The following LIG1 variants were observed in gnomAD, a reference collection of about 807,000 sequenced individuals.
LIG1 encodes the protein DNA ligase 1, also known as ligase I, DNA, ATP-dependent.
Under a neutral mutation model 115.7 loss-of-function variants are expected in LIG1, and 70 were observed. The ratio of observed to expected loss-of-function variants is 0.60; its 90% CI spans 0.50 to 0.74. LIG1 has a LOEUF of 0.74. LIG1 is among the 30% of genes least tolerant of loss of function. LIG1 has a pLI of 0.00. For synonymous variants in LIG1, 487 were observed against 495.3 expected (o/e 0.98, Z 0.22); for missense variants, 1,115 against 1,225.6 (o/e 0.91, Z 1.35).
intron 23 of LIG1, among the ~76,000 whole-genome samples, chr19:48,121,672 G>A (rs1264390156): frequency 4.6e-5 from 7 of 152,094 alleles, no homozygotes; most frequent in Admixed American, 2.6e-4. Flanking sequence ...GTGGTGGCGT[G>A]TGCCTGTAAT....
At chr19:48,131,000 G>A (rs976518969) in intron 19 of LIG1, 76 bp downstream of exon 19, 6 of 1,177,556 alleles carry the variant, frequency 5.1e-6, no homozygotes, top group African/African-American at 1.5e-5. Flanking sequence ...GTGCCACACT[G>A]GCCTAGATGG....
chr19:48,154,373 G>T, intron 5 of LIG1: 1 of 287,096 alleles, frequency 3.5e-6, no homozygotes, highest in Non-Finnish European at 6.9e-6. Flanking sequence ...GAATAAACTA[G>T]CCCCAGGAGA....
At chr19:48,159,454 C>T (rs2036046294) in intron 4 of LIG1, among the ~76,000 whole-genome samples, 1 of 152,214 alleles carries the variant, frequency 6.6e-6, no homozygotes, top group Non-Finnish European at 1.5e-5. Context: ...CCAGAAGCCT[C>T]AGGGTAAAGT....
intron 25 of LIG1, chr19:48,118,287 G>A (rs1395066601): frequency 9.9e-6 from 2 of 202,960 alleles, no homozygotes; most frequent in Non-Finnish European, 2.0e-5. Context: ...ATCCCCATGT[G>A]TCGTGGAGGG....
At chr19:48,134,449 G>T (rs925875518) in intron 16 of LIG1, among the ~76,000 whole-genome samples, 1 of 152,216 alleles carries the variant, frequency 6.6e-6, no homozygotes, top group Non-Finnish European at 1.5e-5. Flanking sequence ...CTTGAGCCCA[G>T]GAGTTCAAGA....
chr19:48,143,955 T>C lies in LIG1; in HGVS notation c.785A>G (p.Asp262Gly). Reference sequence around the variant, plus strand: ...CTTGGCAGGATTGTAACCAGATGGATCCAGGGGTCTACGGAGGCAAAACGG... The same window carrying C: ...CTTGGCAGGATTGTAACCAGATGGACCCAGGGGTCTACGGAGGCAAAACGG... ...GKEGAAEGPLDPSGYNPAKNN... is the reference protein window; with the variant it reads ...GKEGAAEGPLGPSGYNPAKNN... The change falls in exon 10 of 28, where the codon GAT becomes GGT. Residue 262 changes from aspartate (D) to glycine (G), a missense_variant. Physicochemically the swap from Asp to Gly is moderately conservative, Grantham distance 94. Coordinates refer to ENST00000263274, the MANE Select transcript of LIG1 (RefSeq NM_000234.3). The C allele has an allele frequency of 1.9e-6, 3 of 1,613,846 alleles. No individual in the cohort carries two copies. The highest frequency in any genetic ancestry group is 2.5e-6 in the Non-Finnish European group (3 of 1,179,800).
intron 17 of LIG1, 42 bp from the exon 18 acceptor site, chr19:48,133,139 T>A (rs1295557563): frequency 7.9e-7 from 1 of 1,265,000 alleles, no homozygotes; most frequent in Non-Finnish European, 1.2e-6. Flanking sequence ...GGGAAGGCAA[T>A]GGATTAGAGG....
At chr19:48,153,213 A>AGC (rs2035586081) in intron 6 of LIG1, among the ~76,000 whole-genome samples, 1 of 147,818 alleles carries the variant, frequency 6.8e-6, no homozygotes, top group Non-Finnish European at 1.5e-5. Flanking sequence ...AAAAAAAAAA[A>AGC]GCACAAATAT....
intron 1 of LIG1, among the ~76,000 whole-genome samples, chr19:48,169,217 T>C (rs1294242530): frequency 2.0e-5 from 3 of 152,092 alleles, no homozygotes; most frequent in African/African-American, 7.2e-5. Context: ...AGTTCTTATG[T>C]GGAGAGGGAA....
chr19:48,154,344 G>C, intron 5 of LIG1: 1 of 317,608 alleles, frequency 3.1e-6, no homozygotes, highest in South Asian at 2.8e-5. Flanking sequence ...CGGAACCTCA[G>C]AAGTCTGGAA....
chr19:48,121,001 A>C, intron 24 of LIG1, 169 bp downstream of exon 24: 1 of 1,496,594 alleles, frequency 6.7e-7, no homozygotes, highest in South Asian at 1.4e-5. Flanking sequence ...TTTCTATATG[A>C]AGCAAGAGTT....
Position 48,117,648 on chromosome 19 carries a change from G to A in LIG1, c.2573C>T (p.Ala858Val), listed in dbSNP as rs772946340. 1.8e-5 allele frequency: 29 copies of A among 1,612,442 alleles called. No individual in the cohort carries two copies. The highest frequency in any genetic ancestry group is 1.9e-5 in the Non-Finnish European group (23 of 1,179,636). The change falls in exon 26 of 28, where the codon GCG (alanine) becomes GTG (valine). Residue 858 changes from alanine to valine, a missense_variant. By Grantham distance (64) the Ala-to-Val change is moderately conservative. Coordinates refer to ENST00000263274, the MANE Select transcript of LIG1 (RefSeq NM_000234.3). ...DLSLSPIYPA[A>V]RGLVDSDKGI... ...TCCTCTGCCACTCACCAGGCCCCGCGCAGCAGGGTAGATGGGAGAGAGGGA... is the reference window on the plus strand; with the variant it reads ...TCCTCTGCCACTCACCAGGCCCCGCACAGCAGGGTAGATGGGAGAGAGGGA...
In LIG1 at chr19:48,167,902, T is replaced by C. The variant is rs571754190; in HGVS notation, c.-57-2279A>G. ...CCAAACAGAGTTTCTCAGGGCCAGT[T>C]GGGGAGCAGGAAGTAAGCAATGCTT... On this transcript the variant is annotated intron_variant, in intron 1 of 27. Transcript: ENST00000263274. Among the ~76,000 whole-genome samples the C allele has an allele frequency of 2.0e-5, 3 of 150,662 alleles. No individual in the cohort carries two copies. In the East Asian group the frequency reaches 5.9e-4, roughly 29 times the overall value.
intron 18 of LIG1, among the ~76,000 whole-genome samples, chr19:48,131,578 C>A (rs1173485213): frequency 6.6e-6 from 1 of 152,204 alleles, no homozygotes; most frequent in Non-Finnish European, 1.5e-5. Context: ...TCCGCCTCAG[C>A]CTCCCAAGGA....
intron 19 of LIG1, among the ~76,000 whole-genome samples, chr19:48,129,945 G>A (rs1418955157): frequency 4.0e-5 from 6 of 151,814 alleles, no homozygotes; most frequent in East Asian, 1.9e-4. Context: ...TAGTAGAGAT[G>A]GGATTTCACC....
At chr19:48,120,208 G>A (rs1014869843) in intron 24 of LIG1, 19 of 985,298 alleles carry the variant, frequency 1.9e-5, no homozygotes, top group African/African-American at 3.5e-5. Flanking sequence ...ACACAGCCAC[G>A]GGGAGCTGGT....
chr19:48,127,119 G>T, intron 21 of LIG1, 158 bp downstream of exon 21: 1 of 682,254 alleles, frequency 1.5e-6, no homozygotes, highest in East Asian at 2.6e-5. Context: ...AGGAACCTCA[G>T]GGGTCCTCAG....
intron 1 of LIG1, among the ~76,000 whole-genome samples, chr19:48,167,330 C>T (rs2036535900): frequency 6.6e-6 from 1 of 151,848 alleles, no homozygotes; most frequent in Non-Finnish European, 1.5e-5. Flanking sequence ...TTGAGACCAG[C>T]TCAGACCAGC....
At chr19:48,130,746 A>G (rs1310456288) in intron 19 of LIG1, among the ~76,000 whole-genome samples, 1 of 152,202 alleles carries the variant, frequency 6.6e-6, no homozygotes, top group Non-Finnish European at 1.5e-5. Flanking sequence ...TGGAAGAATG[A>G]CATCTGTTTG....
Sources: gnomAD v4.1 joint callset for allele counts (sites outside exome capture counted in the v4.1 genomes callset) on GRCh38, gnomAD v4.1.1 for gene constraint, MANE v1.5 for transcripts, NCBI Gene and HGNC (gene_info 2026-07-23, HGNC 2026-07-21) for gene names.